The following PDGFD variants were observed in gnomAD, a reference collection of about 807,000 sequenced individuals.
The protein encoded by PDGFD is platelet derived growth factor D, also known as platelet-derived growth factor D.
PDGFD carries 30 observed loss-of-function variants against 44.7 expected under a neutral mutation model. That is an observed-to-expected ratio of 0.67 (90% CI 0.50 to 0.91). The LOEUF (loss-of-function observed/expected upper bound fraction) is 0.91. PDGFD is among the 40% of genes least tolerant of loss of function. The probability of loss-of-function intolerance (pLI) is 0.00; values close to 1 mark genes in which losing one functional copy is unlikely to be tolerated. For synonymous variants in PDGFD, 173 were observed against 168.4 expected (o/e 1.03, Z -0.21); for missense variants, 445 against 457.8 (o/e 0.97, Z 0.25).
chr11:104,112,537 A>C (rs1565338323), intron 1 of PDGFD, among the ~76,000 whole-genome samples: 1 of 152,158 alleles, frequency 6.6e-6, no homozygotes, highest in East Asian at 1.9e-4. Flanking sequence ...ACCCAAAGGA[A>C]TATAGATTCT....
At chr11:104,070,120 C>A (rs561910433) in intron 1 of PDGFD, among the ~76,000 whole-genome samples, 24 of 152,288 alleles carry the variant, frequency 1.6e-4, no homozygotes, top group African/African-American at 5.5e-4. Flanking sequence ...CATCTTTTAG[C>A]ACACAAAATA....
At chr11:103,930,933 G>A (rs575414081) in intron 5 of PDGFD, among the ~76,000 whole-genome samples, 1 of 152,104 alleles carries the variant, frequency 6.6e-6, no homozygotes, top group Non-Finnish European at 1.5e-5. Flanking sequence ...TATCTGAACC[G>A]AGTGGACTTT....
chr11:103,992,513 G>A (rs1401207113), intron 3 of PDGFD, among the ~76,000 whole-genome samples: 1 of 152,156 alleles, frequency 6.6e-6, no homozygotes. Flanking sequence ...TAAAAGCAAA[G>A]GATAAGAAAG....
chr11:104,053,607 A>T (rs1182983815), intron 1 of PDGFD, among the ~76,000 whole-genome samples: 1 of 152,220 alleles, frequency 6.6e-6, no homozygotes, highest in Non-Finnish European at 1.5e-5. Flanking sequence ...TTGCAGTCAT[A>T]TATAAAACCA....
chr11:104,037,721 G>C (rs944100874), intron 1 of PDGFD: 32 of 1,614,086 alleles, frequency 2.0e-5, no homozygotes, highest in Non-Finnish European at 2.6e-5. Flanking sequence ...AGAATTATTG[G>C]CCGTGTTCAT....
rs1486696726 is a variant in PDGFD at position 103,908,096 on chromosome 11, A to T, written c.*1598T>A. The T allele has an allele frequency of 6.6e-6, 1 of 152,158 alleles. No individual in the cohort carries two copies. Among genetic ancestry groups the T allele is most frequent in the Non-Finnish European group, 1.5e-5 (1 of 68,014 alleles). The allele number at this position is 152,158 out of a possible 1,614,324, so 9.4% of individuals were successfully genotyped here. A position where few individuals can be genotyped will look rare whatever the true frequency, so the allele number is the denominator to read the frequency against. On this transcript the variant is annotated 3_prime_UTR_variant, in exon 7 of 7. Coordinates refer to ENST00000393158, the MANE Select transcript of PDGFD (RefSeq NM_025208.5). ...GGGACTTTACCAGCCCTGTCACCCAAACTGGTTGTAGTTAGTAGGACCACA... is the reference window on the plus strand; with the variant it reads ...GGGACTTTACCAGCCCTGTCACCCATACTGGTTGTAGTTAGTAGGACCACA...
intron 1 of PDGFD, among the ~76,000 whole-genome samples, chr11:104,109,427 T>C (rs921316196): frequency 6.6e-6 from 1 of 152,132 alleles, no homozygotes; most frequent in Non-Finnish European, 1.5e-5. Context: ...CCTTGGACCA[T>C]ACTTTCCCAT....
chr11:103,930,935 G>C (rs182642881), intron 5 of PDGFD, among the ~76,000 whole-genome samples: 1 of 152,240 alleles, frequency 6.6e-6, no homozygotes, highest in Admixed American at 6.5e-5. Context: ...TCTGAACCGA[G>C]TGGACTTTGG....
At chr11:104,031,598 AT>A (rs112937879) in intron 1 of PDGFD, among the ~76,000 whole-genome samples, 1,774 of 152,294 alleles carry the variant, frequency 0.012, 38 homozygotes, top group African/African-American at 0.04. Context: ...TTCCTCAAGG[AT>A]CCAGAACCAG....
intron 6 of PDGFD, among the ~76,000 whole-genome samples, chr11:103,921,336 G>A (rs189725001): frequency 8.1e-4 from 123 of 152,200 alleles, no homozygotes; most frequent in East Asian, 3.3e-3. Flanking sequence ...CTCCTTGCGC[G>A]AAATTTATTT....
At position 104,114,879 on chromosome 11, in the gene PDGFD, GTT is replaced by G. The variant is rs113492620; in HGVS notation, c.124+48923_124+48924del. On this transcript the variant is annotated intron_variant, in intron 1 of 6. Coordinates refer to ENST00000393158, the MANE Select transcript of PDGFD (RefSeq NM_025208.5). The stretch of plus-strand genomic sequence containing the variant: ...CTAATTTAAATCATAACATTTTTAG[GTT>G]TTTTTTTTTGTTTTTTCAAATTTTT... 2.0e-4 allele frequency among the ~76,000 whole-genome samples: 28 copies of G among 142,354 alleles called. No individual in the cohort carries two copies. In the East Asian group the frequency reaches 2.8e-3, roughly 14 times the overall value. The allele number at this position is 142,354 out of a possible 152,430, so 93.4% of individuals were successfully genotyped here.
At chr11:104,020,450 G>C (rs1859932536) in intron 1 of PDGFD, among the ~76,000 whole-genome samples, 1 of 151,986 alleles carries the variant, frequency 6.6e-6, no homozygotes, top group Non-Finnish European at 1.5e-5. Context: ...AATCCCATAA[G>C]AATGAGATAA....
intron 1 of PDGFD, among the ~76,000 whole-genome samples, chr11:104,084,076 T>G (rs1186847304): frequency 1.3e-5 from 2 of 152,168 alleles, no homozygotes; most frequent in East Asian, 3.9e-4. Flanking sequence ...ATGTACGGAT[T>G]AGTGCATTTG....
chr11:104,045,498 A>G (rs961908298), intron 1 of PDGFD, among the ~76,000 whole-genome samples: 2 of 152,112 alleles, frequency 1.3e-5, no homozygotes, highest in African/African-American at 4.8e-5. Flanking sequence ...AGTGAGTACA[A>G]ACTGACATCA....
At chr11:103,922,055 T>C (rs550159785) in intron 6 of PDGFD, among the ~76,000 whole-genome samples, 1 of 151,998 alleles carries the variant, frequency 6.6e-6, no homozygotes, top group South Asian at 2.1e-4. Context: ...GAGAAAATTA[T>C]GAGAGGAAGA....
At chr11:104,095,219 TG>T (rs1385773704) in intron 1 of PDGFD, among the ~76,000 whole-genome samples, 1 of 152,164 alleles carries the variant, frequency 6.6e-6, no homozygotes, top group Non-Finnish European at 1.5e-5. Context: ...TTTGTTTGTT[TG>T]TTCTCTCTTC....
chr11:104,085,139 G>C (rs995526287), intron 1 of PDGFD, among the ~76,000 whole-genome samples: 3 of 117,334 alleles, frequency 2.6e-5, no homozygotes, highest in African/African-American at 1.4e-4. Flanking sequence ...TTTATCACAT[G>C]TGTAGAATTG....
At chr11:104,007,940 C>T (rs188475878) in intron 1 of PDGFD, among the ~76,000 whole-genome samples, 1 of 152,276 alleles carries the variant, frequency 6.6e-6, no homozygotes, top group Admixed American at 6.5e-5. Flanking sequence ...ATTATACTTT[C>T]ATTCTGTTTT....
intron 1 of PDGFD, among the ~76,000 whole-genome samples, chr11:104,047,080 T>G (rs372047299): frequency 6.8e-6 from 1 of 147,424 alleles, no homozygotes; most frequent in Non-Finnish European, 1.5e-5. Flanking sequence ...TCATCCTTTT[T>G]TATGGCTGCA....
Sources: allele counts gnomAD v4.1 joint callset (sites outside exome capture counted in the v4.1 genomes callset), GRCh38; gene constraint gnomAD v4.1.1; transcripts MANE v1.5; gene names NCBI Gene and HGNC (gene_info 2026-07-23, HGNC 2026-07-21).